MED13L: variants seen among roughly 807,000 people sequenced by gnomAD.
MED13L encodes mediator of RNA polymerase II transcription subunit 13-like.
A neutral mutation model predicts 220.9 loss-of-function variants in MED13L; 7 were observed. That is an observed-to-expected ratio of 0.03 (90% CI 0.02 to 0.06). The LOEUF is 0.06. Ranked by LOEUF, MED13L falls within the 10% of genes least tolerant of loss-of-function variation. The probability of loss-of-function intolerance (pLI) is 1.00; values close to 1 mark genes in which losing one functional copy is unlikely to be tolerated. For missense variants in MED13L, 1,965 were observed against 2,760.5 expected (o/e 0.71, Z 6.46); for synonymous variants, 1,011 against 1,015.2 (o/e 1.00, Z 0.08).
chr12:116,073,261 GTTCT>G (rs1215691827), intron 4 of MED13L, among the ~76,000 whole-genome samples: 2 of 152,090 alleles, frequency 1.3e-5, no homozygotes, highest in East Asian at 3.8e-4. Flanking sequence ...GTAGCAGAAA[GTTCT>G]TTCTACTGAA....
intron 29 of MED13L, among the ~76,000 whole-genome samples, chr12:115,964,345 T>C (rs1331586882): frequency 6.6e-6 from 1 of 152,216 alleles, no homozygotes; most frequent in Non-Finnish European, 1.5e-5. Flanking sequence ...CAACATGATC[T>C]GTACATGACA....
intron 23 of MED13L, among the ~76,000 whole-genome samples, chr12:115,979,937 A>C (rs1877209253): frequency 6.6e-6 from 1 of 152,210 alleles, no homozygotes; most frequent in Admixed American, 6.5e-5. Flanking sequence ...TATCTGTAGG[A>C]AGTAGGTTTT....
intron 4 of MED13L, among the ~76,000 whole-genome samples, chr12:116,079,314 G>A (rs1024124136): frequency 6.6e-6 from 1 of 151,978 alleles, no homozygotes; most frequent in African/African-American, 2.4e-5. Flanking sequence ...AATCTCCCAG[G>A]ATCAAGCAGT....
chr12:116,133,454 T>C (rs1876257795), intron 2 of MED13L, among the ~76,000 whole-genome samples: 1 of 152,150 alleles, frequency 6.6e-6, no homozygotes, highest in South Asian at 2.1e-4. Context: ...AGGCTGGTAC[T>C]GTAACTCTTG....
chr12:116,185,187 G>T (rs1880797083), intron 2 of MED13L, among the ~76,000 whole-genome samples: 1 of 152,058 alleles, frequency 6.6e-6, no homozygotes, highest in South Asian at 2.1e-4. Context: ...AGGTTTGAAA[G>T]ACCACAAAAT....
intron 2 of MED13L, among the ~76,000 whole-genome samples, chr12:116,233,301 G>C (rs1565941208): frequency 6.6e-6 from 1 of 152,018 alleles, no homozygotes. Flanking sequence ...TCTGTATCCT[G>C]AACAGAATAT....
intron 8 of MED13L, among the ~76,000 whole-genome samples, chr12:116,014,759 G>A (rs931972792): frequency 5.9e-5 from 9 of 152,044 alleles, no homozygotes; most frequent in East Asian, 5.8e-4. Context: ...CAATAGGGAC[G>A]CATTCATACA....
intron 2 of MED13L, among the ~76,000 whole-genome samples, chr12:116,165,984 G>T (rs571822085): frequency 8.5e-5 from 13 of 152,244 alleles, no homozygotes; most frequent in African/African-American, 3.1e-4. Flanking sequence ...TGTCCTTTCT[G>T]CTATAAAATA....
intron 1 of MED13L, among the ~76,000 whole-genome samples, chr12:116,251,257 A>G (rs1305342818): frequency 6.7e-6 from 1 of 148,564 alleles, no homozygotes. Flanking sequence ...TATATTAAAT[A>G]TAAATTCTCT....
rs754361806 is a variant in MED13L, at chr12:116,124,091, A to C, written c.311-12579T>G. ...GACAGGTTAAAATAGCAAATGTAGC[A>C]AAAATAACATCTGCAGAGAGAGAGA... On this transcript the variant is annotated intron_variant, in intron 2 of 30. Transcript: ENST00000281928. Among the ~76,000 whole-genome samples the C allele has an allele frequency of 2.1e-5, 3 of 144,956 alleles. No homozygotes were observed. The Admixed American group carries it at 2.1e-4, about 10-fold the overall frequency.
chr12:116,233,368 C>T (rs1158967556), intron 2 of MED13L, among the ~76,000 whole-genome samples: 1 of 152,114 alleles, frequency 6.6e-6, no homozygotes, highest in Non-Finnish European at 1.5e-5. Context: ...TTTCCCTGTA[C>T]ACATTAATCC....
intron 2 of MED13L, among the ~76,000 whole-genome samples, chr12:116,131,963 G>A (rs1244134796): frequency 6.6e-6 from 1 of 151,210 alleles, no homozygotes; most frequent in African/African-American, 2.4e-5. Flanking sequence ...AACCTGGGTG[G>A]CAGAGCGCAA....
chr12:116,120,413 A>AT (rs1874939924), intron 2 of MED13L, among the ~76,000 whole-genome samples: 1 of 150,698 alleles, frequency 6.6e-6, no homozygotes, highest in Non-Finnish European at 1.5e-5. Flanking sequence ...ACAAAACCAC[A>AT]TTTTGGCTTC....
At position 116,147,976 on chromosome 12, in the gene MED13L, G is replaced by A. The variant is rs531920126; in HGVS notation, c.311-36464C>T. 6.9e-5 allele frequency among the ~76,000 whole-genome samples: 10 copies of A among 145,894 alleles called. No homozygotes were observed. In the South Asian group the frequency reaches 1.1e-3, roughly 16 times the overall value. Reference sequence around the variant, plus strand: ...GCAGGAGAATCACTTCTCCTGGCCCGGGAGGCAGGAGGTTGCAGTGAGCCA... The same window carrying A: ...GCAGGAGAATCACTTCTCCTGGCCCAGGAGGCAGGAGGTTGCAGTGAGCCA... On this transcript the variant is annotated intron_variant, in intron 2 of 30. Transcript: ENST00000281928.
chr12:116,207,877 T>C (rs574488609), intron 2 of MED13L, among the ~76,000 whole-genome samples: 15 of 152,138 alleles, frequency 9.9e-5, no homozygotes, highest in African/African-American at 1.9e-4. Context: ...AGTGCTCAGA[T>C]TGTGGTCTCT....
At chr12:116,020,048 T>C (rs1201970590) in intron 5 of MED13L, 76 bp from the exon 6 acceptor site, 1 of 1,300,568 alleles carries the variant, frequency 7.7e-7, no homozygotes, top group Non-Finnish European at 1.1e-6. Context: ...ACATATGTGG[T>C]AATTTTAGGT....
chr12:116,188,518 T>C (rs1320285586), intron 2 of MED13L, among the ~76,000 whole-genome samples: 1 of 152,214 alleles, frequency 6.6e-6, no homozygotes, highest in East Asian at 1.9e-4. Context: ...AATTAAGTTT[T>C]AGTTTGTGTG....
At position 115,991,388 on chromosome 12, in the gene MED13L, T is replaced by C; in HGVS notation, c.3566A>G (p.Lys1189Arg). 6.2e-7 allele frequency: 1 copy of C among 1,614,060 alleles called. No individual in the cohort carries two copies. Residue 1189 changes from lysine (K) to arginine (R), a missense_variant, in exon 17 of 31, where the codon AAG becomes AGG. Lys to Arg is a conservative substitution (Grantham distance 26, BLOSUM62 2). Coordinates refer to ENST00000281928, the MANE Select transcript of MED13L (RefSeq NM_015335.5). This position sits in a 1 kb window ranked among gnomAD's most constrained non-coding sequence, Gnocchi z 7.7. Reference protein sequence around the residue: ...FLEDELDIFGKNSDIGQAAER... With the variant: ...FLEDELDIFGRNSDIGQAAER... ...TGCAGCCTGACCAATATCAGAATTCTTCCCAAAAATATCCAACTCATCTTC... is the reference window on the plus strand; with the variant it reads ...TGCAGCCTGACCAATATCAGAATTCCTCCCAAAAATATCCAACTCATCTTC...
rs1311388209 is a variant in MED13L at position 115,991,375 on chromosome 12, A to G, written c.3579T>C (p.Ile1193=). ...TTAAGCGCCTCTCTGCAGCCTGACC[A>G]ATATCAGAATTCTTCCCAAAAATAT... ...ELDIFGKNSD[I]GQAAERRLMM... The change falls in exon 17 of 31, where the codon ATT becomes ATC. Residue 1193 remains isoleucine (I), a synonymous_variant. Transcript: ENST00000281928. This position sits in a 1 kb window ranked among gnomAD's most constrained non-coding sequence, Gnocchi z 7.7. The G allele has an allele frequency of 6.2e-7, 1 of 1,614,020 alleles. No individual in the cohort carries two copies. The highest frequency in any genetic ancestry group is 8.5e-7 in the Non-Finnish European group (1 of 1,180,028).
Sources: gnomAD v4.1 joint callset for allele counts (sites outside exome capture counted in the v4.1 genomes callset) on GRCh38, gnomAD v4.1.1 for gene constraint, Gnocchi (gnomAD v3.1) non-coding constraint, MANE v1.5 for transcripts, NCBI Gene and HGNC (gene_info 2026-07-23, HGNC 2026-07-21) for gene names.